Variants in THSD4 observed in about 807,000 individuals in gnomAD.
THSD4 encodes thrombospondin type 1 domain containing 4.
Under a neutral mutation model 119.0 loss-of-function variants are expected in THSD4, and 69 were observed. That is an observed-to-expected ratio of 0.58 (90% CI 0.48 to 0.71). The LOEUF is 0.71. Among genes scored for constraint, THSD4 ranks in the 30% least tolerant of loss-of-function variants. THSD4 has a pLI of 0.00. For missense variants in THSD4, 1,393 were observed against 1,391.1 expected, an observed-to-expected ratio of 1.00 and a Z score of -0.02; for synonymous variants, 524 against 540.4, an observed-to-expected ratio of 0.97 and a Z score of 0.42.
In THSD4 at chr15:71,703,889, G is replaced by T. The variant is rs562347248; in HGVS notation, c.1358-24660G>T. Among the ~76,000 whole-genome samples the T allele has an allele frequency of 5.9e-5, 9 of 152,160 alleles. No individual in the cohort carries two copies. In the East Asian group the frequency reaches 1.7e-3, roughly 29 times the overall value. On this transcript the variant is annotated intron_variant, in intron 8 of 17. Coordinates refer to ENST00000261862, the MANE Select transcript of THSD4 (RefSeq NM_024817.3). ...TTTTGAGACAGAGTCTTGCTCTGTC[G>T]CCCAGGCTGGAGTGCAGTGGCGCGA...
intron 3 of THSD4, among the ~76,000 whole-genome samples, chr15:71,207,138 T>C (rs2043850619): frequency 6.6e-6 from 1 of 152,262 alleles, no homozygotes; most frequent in South Asian, 2.1e-4. Flanking sequence ...ACCATCCTTA[T>C]ATTTTGGTCA....
chr15:71,738,222 A>G (rs2141153483), intron 11 of THSD4: 1 of 615,996 alleles, frequency 1.6e-6, no homozygotes, highest in South Asian at 2.0e-5. Context: ...CATAAGGAGC[A>G]TGCAACCTAG....
In THSD4 at chr15:71,588,560, A is replaced by T. The variant is rs568276349; in HGVS notation, c.1153-71970A>T. Reference sequence around the variant, plus strand: ...TGCCTCAGCCTCCCTAGTAGCTGGAACTACAGGCATGTGCCACCACACCCG... The same window carrying T: ...TGCCTCAGCCTCCCTAGTAGCTGGATCTACAGGCATGTGCCACCACACCCG... On this transcript the variant is annotated intron_variant, in intron 7 of 17. Coordinates refer to ENST00000261862, the MANE Select transcript of THSD4 (RefSeq NM_024817.3). 1.2e-3 allele frequency among the ~76,000 whole-genome samples: 177 copies of T among 152,152 alleles called. 2 individuals are homozygous for T. The highest frequency in any genetic ancestry group is 2.1e-3 in the Non-Finnish European group (140 of 68,002).
At chr15:71,350,141 T>TAAAAAAA (rs3086680) in intron 6 of THSD4, among the ~76,000 whole-genome samples, 3 of 111,152 alleles carry the variant, frequency 2.7e-5, no homozygotes, top group Non-Finnish European at 1.9e-5. Context: ...TGCAAATTAC[T>TAAAAAAA]AAAAAAAAAA....
intron 7 of THSD4, among the ~76,000 whole-genome samples, chr15:71,616,695 G>T (rs1046376656): frequency 6.6e-6 from 1 of 152,182 alleles, no homozygotes; most frequent in South Asian, 2.1e-4. Context: ...GCACCCAGAC[G>T]CAAAGAGCTC....
chr15:71,637,775 G>A (rs1348025829), intron 7 of THSD4, among the ~76,000 whole-genome samples: 2 of 151,838 alleles, frequency 1.3e-5, no homozygotes, highest in Admixed American at 6.6e-5. Context: ...GTCCAGGCTG[G>A]AGTGCAATGG....
intron 7 of THSD4, among the ~76,000 whole-genome samples, chr15:71,507,296 G>A (rs1356650042): frequency 6.6e-6 from 1 of 152,202 alleles, no homozygotes; most frequent in African/African-American, 2.4e-5. Context: ...ACAGACTCCA[G>A]AGTTCTGAGT....
chr15:71,107,345 GAAAA>G (rs917111257), intron 1 of THSD4, among the ~76,000 whole-genome samples: 3 of 142,456 alleles, frequency 2.1e-5, no homozygotes, highest in African/African-American at 7.8e-5. Context: ...AAGAAGGAAA[GAAAA>G]GAAAGAAAGA....
chr15:71,714,232 A>C (rs1445922674), intron 8 of THSD4, among the ~76,000 whole-genome samples: 1 of 152,140 alleles, frequency 6.6e-6, no homozygotes, highest in Admixed American at 6.5e-5. Flanking sequence ...CTGAAATGTA[A>C]GCTTTATGAG....
chr15:71,099,064 C>T (rs1160499131), intron 1 of THSD4, among the ~76,000 whole-genome samples: 1 of 152,158 alleles, frequency 6.6e-6, no homozygotes, highest in Non-Finnish European at 1.5e-5. Flanking sequence ...GGTCTCACAG[C>T]GACCTTTAAG....
At position 71,215,303 on chromosome 15, in the gene THSD4, C is replaced by A. The variant is rs1317448917; in HGVS notation, c.368C>A (p.Ala123Glu). The A allele has an allele frequency of 3.3e-6, 5 of 1,526,028 alleles. No individual in the cohort carries two copies. The highest frequency in any genetic ancestry group is 2.8e-5 in the African/African-American group (2 of 71,898). The allele number at this position is 1,526,028 out of a possible 1,614,324, so 94.5% of individuals were successfully genotyped here. A position where few individuals can be genotyped will look rare whatever the true frequency, so the allele number is the denominator to read the frequency against. ...PLHRSRDETP[A>E]LAGTDASRQG... ...CACCGGAGCCGCGACGAGACGCCAG[C>A]GCTGGCCGGTACGGACGCCAGCCGC... The change falls in exon 4 of 18, where the codon GCG (alanine) becomes GAG (glutamate). Residue 123 changes from alanine to glutamate, a missense_variant. Physicochemically the swap from Ala to Glu is moderately radical, Grantham distance 107. Coordinates refer to ENST00000261862, the MANE Select transcript of THSD4 (RefSeq NM_024817.3).
chr15:71,164,913 C>G, intron 3 of THSD4: 2 of 1,563,206 alleles, frequency 1.3e-6, no homozygotes, highest in Non-Finnish European at 1.7e-6. Flanking sequence ...TTTGCTGCAT[C>G]AGGCTTTCCT....
chr15:71,315,868 CA>C (rs1173599547), intron 6 of THSD4, among the ~76,000 whole-genome samples: 1 of 151,840 alleles, frequency 6.6e-6, no homozygotes, highest in East Asian at 1.9e-4. Context: ...TTCACCAACA[CA>C]AAAAAAATTG....
chr15:71,679,260 C>T (rs971559227), intron 8 of THSD4, among the ~76,000 whole-genome samples: 1 of 152,134 alleles, frequency 6.6e-6, no homozygotes, highest in South Asian at 2.1e-4. Flanking sequence ...AGAGGAGGCA[C>T]CTGGGGGAGG....
intron 7 of THSD4, among the ~76,000 whole-genome samples, chr15:71,592,874 G>C (rs1248166194): frequency 6.6e-6 from 1 of 152,106 alleles, no homozygotes; most frequent in Non-Finnish European, 1.5e-5. Context: ...TGTCCTGCCT[G>C]CCCTCTCTCA....
intron 7 of THSD4, among the ~76,000 whole-genome samples, chr15:71,580,971 CTT>C (rs1262972472): frequency 1.3e-5 from 2 of 152,046 alleles, no homozygotes; most frequent in Admixed American, 6.5e-5. Flanking sequence ...TCAATGGACA[CTT>C]AAGTTATTTC....
chr15:71,378,335 A>C (rs2046178762), intron 6 of THSD4, among the ~76,000 whole-genome samples: 1 of 152,082 alleles, frequency 6.6e-6, no homozygotes. Context: ...TGGCCTGGAG[A>C]GCTCCCACCA....
chr15:71,189,410 C>T (rs2043647233), intron 3 of THSD4, among the ~76,000 whole-genome samples: 1 of 152,200 alleles, frequency 6.6e-6, no homozygotes, highest in Non-Finnish European at 1.5e-5. Flanking sequence ...GTGGCTCACG[C>T]CTGTAATCCC....
At chr15:71,164,676 T>C (rs2043275888) in intron 3 of THSD4, 1 of 1,521,750 alleles carries the variant, frequency 6.6e-7, no homozygotes, top group Non-Finnish European at 8.8e-7. Context: ...TTACACAGCC[T>C]TACATTTCAG....
Sources: gnomAD v4.1 joint callset for allele counts (sites outside exome capture counted in the v4.1 genomes callset) on GRCh38, gnomAD v4.1.1 for gene constraint, MANE v1.5 for transcripts, NCBI Gene and HGNC (gene_info 2026-07-23, HGNC 2026-07-21) for gene names.